BAIAP2L1: variants seen among roughly 807,000 people sequenced by gnomAD.
BAIAP2L1 encodes the protein BAR/IMD domain-containing adapter protein 2-like 1.
Under a neutral mutation model 66.3 loss-of-function variants are expected in BAIAP2L1, and 35 were observed. The observed-to-expected ratio is 0.53, with a 90% CI of 0.40 to 0.70. The LOEUF is 0.70. BAIAP2L1 is among the 30% of genes least tolerant of loss of function. The pLI, the probability that BAIAP2L1 is intolerant of heterozygous loss-of-function variation, is 0.00. For synonymous variants in BAIAP2L1, 269 were observed against 248.7 expected (o/e 1.08, Z -0.77); for missense variants, 622 against 656.9 (o/e 0.95, Z 0.58).
At chr7:98,361,227 T>C (rs1471169806) in intron 2 of BAIAP2L1, among the ~76,000 whole-genome samples, 1 of 151,874 alleles carries the variant, frequency 6.6e-6, no homozygotes, top group African/African-American at 2.4e-5. Context: ...CATGGTGGTG[T>C]ACACCTATAA....
intron 1 of BAIAP2L1, among the ~76,000 whole-genome samples, chr7:98,383,940 G>A (rs1478824959): frequency 6.6e-6 from 1 of 151,952 alleles, no homozygotes; most frequent in African/African-American, 2.4e-5. Flanking sequence ...GATCACCTGA[G>A]GTCAGGAGTT....
intron 12 of BAIAP2L1, among the ~76,000 whole-genome samples, chr7:98,297,247 C>T (rs999595689): frequency 7.2e-5 from 11 of 152,366 alleles, no homozygotes; most frequent in African/African-American, 2.6e-4. Flanking sequence ...TGGCTGACCA[C>T]CCATCACTCG....
intron 3 of BAIAP2L1, among the ~76,000 whole-genome samples, chr7:98,352,791 A>G (rs6465675): frequency 0.38 from 58,276 of 152,076 alleles, 12,576 homozygotes; most frequent in Middle Eastern, 0.55. Flanking sequence ...CTGTTTCAAC[A>G]TTAGGAACTC....
chr7:98,326,760 G>A (rs1194563578), intron 3 of BAIAP2L1, among the ~76,000 whole-genome samples: 1 of 152,148 alleles, frequency 6.6e-6, no homozygotes, highest in Non-Finnish European at 1.5e-5. Context: ...GGGAAGACTT[G>A]TCTGGACAAA....
At chr7:98,294,174 G>A in intron 12 of BAIAP2L1, 63 bp from the exon 13 acceptor site, 1 of 1,546,196 alleles carries the variant, frequency 6.5e-7, no homozygotes, top group Admixed American at 1.7e-5. Flanking sequence ...ATTATTTTAG[G>A]TAGAGATGGG....
Position 98,315,625 on chromosome 7 carries a change from A to AAAAAAAAT in BAIAP2L1, c.487-14_487-13insATTTTTTT, listed in dbSNP as rs1554412623. On this transcript the variant is annotated splice_polypyrimidine_tract_variant and intron_variant, in intron 6 of 13. Transcript: ENST00000005260. ...CGGTCTCCACATACTAAAAAAAAAA[A>AAAAAAAAT]AATAATAATAATAATAATTATATAA... The AAAAAAAAT allele has an allele frequency of 1.8e-6, 2 of 1,131,188 alleles. No individual in the cohort carries two copies. Among genetic ancestry groups the AAAAAAAAT allele is most frequent in the African/African-American group, 3.3e-5 (2 of 60,364 alleles). The allele number at this position is 1,131,188 out of a possible 1,614,324, so 70.1% of individuals were successfully genotyped here.
chr7:98,307,278 G>T (rs1800695459), intron 10 of BAIAP2L1: 1 of 514,252 alleles, frequency 1.9e-6, no homozygotes, highest in Non-Finnish European at 2.6e-6. Context: ...GCTAATTTTT[G>T]TATTTTTCGT....
chr7:98,361,124 A>AG (rs1331614747), intron 2 of BAIAP2L1, among the ~76,000 whole-genome samples: 3 of 152,178 alleles, frequency 2.0e-5, no homozygotes, highest in Non-Finnish European at 4.4e-5. Flanking sequence ...TGGGAGGCTG[A>AG]GGGGAGTGGA....
chr7:98,338,421 TAAAAAAA>T (rs35420774), intron 3 of BAIAP2L1, among the ~76,000 whole-genome samples: 12 of 131,450 alleles, frequency 9.1e-5, no homozygotes, highest in African/African-American at 3.4e-4. Context: ...GACTCCGTCT[TAAAAAAA>T]AAAAAAAAAA....
At chr7:98,320,151 T>G in intron 4 of BAIAP2L1, 22 bp from the exon 5 acceptor site, 2 of 1,602,338 alleles carry the variant, frequency 1.2e-6, no homozygotes, top group African/African-American at 1.3e-5. Flanking sequence ...AGGAAATAAA[T>G]TCATACCAGG....
At chr7:98,341,711 G>T (rs937779319) in intron 3 of BAIAP2L1, among the ~76,000 whole-genome samples, 3 of 151,882 alleles carry the variant, frequency 2.0e-5, no homozygotes, top group African/African-American at 7.3e-5. Context: ...AACAAGCATG[G>T]GCCTCACAGT....
At chr7:98,327,895 A>T (rs978198238) in intron 3 of BAIAP2L1, among the ~76,000 whole-genome samples, 2 of 152,162 alleles carry the variant, frequency 1.3e-5, no homozygotes, top group African/African-American at 4.8e-5. Context: ...AACAGGATAA[A>T]TATTATTAAC....
chr7:98,310,661 CTGTT>C (rs1209109161), intron 8 of BAIAP2L1, 69 bp from the exon 9 acceptor site: 3 of 1,252,770 alleles, frequency 2.4e-6, no homozygotes, highest in Non-Finnish European at 3.2e-6. Context: ...ATTCCCAAGG[CTGTT>C]TTTTTTTTTT....
At chr7:98,378,888 T>A (rs1802693204) in intron 1 of BAIAP2L1, among the ~76,000 whole-genome samples, 1 of 152,100 alleles carries the variant, frequency 6.6e-6, no homozygotes, top group Admixed American at 6.5e-5. Flanking sequence ...TGGTGTACAG[T>A]GGCGTGATCT....
At chr7:98,392,213 G>A (rs891107761) in intron 1 of BAIAP2L1, among the ~76,000 whole-genome samples, 9 of 151,492 alleles carry the variant, frequency 5.9e-5, no homozygotes, top group East Asian at 5.8e-4. Flanking sequence ...GTGTGGTGGC[G>A]GGTGCCTGTA....
chr7:98,308,544 C>T, intron 9 of BAIAP2L1: 1 of 345,042 alleles, frequency 2.9e-6, no homozygotes, highest in Non-Finnish European at 5.8e-6. Context: ...AGTGGCTGGG[C>T]CAGGAACCAG....
intron 12 of BAIAP2L1, among the ~76,000 whole-genome samples, chr7:98,302,367 G>A (rs569704632): frequency 6.6e-6 from 1 of 152,326 alleles, no homozygotes; most frequent in Admixed American, 6.5e-5. Context: ...TTGGGGGCAA[G>A]ATTCTTTTAC....
intron 1 of BAIAP2L1, among the ~76,000 whole-genome samples, chr7:98,390,161 C>T (rs1363781525): frequency 2.0e-5 from 3 of 151,666 alleles, no homozygotes; most frequent in African/African-American, 7.3e-5. Context: ...GTGATCTGCC[C>T]ACCTCGGCCT....
intron 3 of BAIAP2L1, among the ~76,000 whole-genome samples, chr7:98,346,642 T>C (rs1801877708): frequency 6.6e-6 from 1 of 152,174 alleles, no homozygotes; most frequent in Admixed American, 6.6e-5. Flanking sequence ...TAAGACAGTC[T>C]GCTATTGGTG....
Sources: allele counts gnomAD v4.1 joint callset (sites outside exome capture counted in the v4.1 genomes callset), GRCh38; gene constraint gnomAD v4.1.1; transcripts MANE v1.5; gene names NCBI Gene and HGNC (gene_info 2026-07-23, HGNC 2026-07-21).